DENND4C: variants seen among roughly 807,000 people sequenced by gnomAD.
The protein encoded by DENND4C is DENN domain-containing protein 4C.
A neutral mutation model predicts 203.0 loss-of-function variants in DENND4C; 108 were observed. That is an observed-to-expected ratio of 0.53 (90% CI 0.46 to 0.62). DENND4C has a LOEUF of 0.62. Ranked by LOEUF, DENND4C falls within the 20% of genes least tolerant of loss-of-function variation. The pLI is 0.00. For missense variants in DENND4C, 2,481 were observed against 2,301.2 expected (o/e 1.08, Z -1.60); for synonymous variants, 871 against 792.4 (o/e 1.10, Z -1.67).
chr9:19,331,748 C>T (rs1471242030), intron 16 of DENND4C, among the ~76,000 whole-genome samples: 1 of 152,190 alleles, frequency 6.6e-6, no homozygotes, highest in East Asian at 1.9e-4. Context: ...TTAAGAGACA[C>T]ATGCTTGCTA....
intron 1 of DENND4C, among the ~76,000 whole-genome samples, chr9:19,274,579 G>T (rs1223481437): frequency 1.3e-5 from 2 of 152,226 alleles, no homozygotes; most frequent in Admixed American, 1.3e-4. Context: ...ACAGGCGTGA[G>T]CCACCGTGCC....
chr9:19,271,624 G>A (rs911261080), intron 1 of DENND4C, among the ~76,000 whole-genome samples: 54 of 152,160 alleles, frequency 3.5e-4, no homozygotes, highest in African/African-American at 1.3e-3. Flanking sequence ...CCAGCACTTT[G>A]GGAGGCTGAG....
chr9:19,315,548 C>T (rs922463786), intron 10 of DENND4C, among the ~76,000 whole-genome samples: 3 of 148,532 alleles, frequency 2.0e-5, no homozygotes, highest in Admixed American at 6.7e-5. Context: ...TATATATATA[C>T]GTGTATATAT....
At chr9:19,283,610 CTTTTT>C (rs553611899) in intron 2 of DENND4C, among the ~76,000 whole-genome samples, 1 of 116,614 alleles carries the variant, frequency 8.6e-6, no homozygotes, top group Non-Finnish European at 1.7e-5. Flanking sequence ...TTTTTTCTTT[CTTTTT>C]TTTTTTTTTT....
chr9:19,286,382 T>C (rs1340054742), intron 2 of DENND4C, among the ~76,000 whole-genome samples: 4 of 152,166 alleles, frequency 2.6e-5, no homozygotes, highest in Non-Finnish European at 5.9e-5. Context: ...AATTGACAAA[T>C]TATGAAGCGA....
intron 23 of DENND4C, among the ~76,000 whole-genome samples, chr9:19,349,761 GTA>G (rs1412688765): frequency 2.6e-5 from 4 of 152,072 alleles, no homozygotes; most frequent in African/African-American, 4.8e-5. Context: ...ATACATAATA[GTA>G]TATCAGTAAA....
intron 1 of DENND4C, among the ~76,000 whole-genome samples, chr9:19,267,420 C>G (rs1830723380): frequency 6.6e-6 from 1 of 152,088 alleles, no homozygotes. Context: ...ACAAGTATAC[C>G]TACTCCTGCT....
At chr9:19,321,750 C>T (rs1020348731) in intron 12 of DENND4C, among the ~76,000 whole-genome samples, 6 of 149,136 alleles carry the variant, frequency 4.0e-5, no homozygotes, top group Middle Eastern at 3.4e-3. Context: ...GAGAATCACT[C>T]GAACCTGGGA....
intron 1 of DENND4C, among the ~76,000 whole-genome samples, chr9:19,242,335 C>G (rs1275021847): frequency 6.6e-6 from 1 of 152,134 alleles, no homozygotes; most frequent in African/African-American, 2.4e-5. Flanking sequence ...AAAGGACATC[C>G]TTGGTTCCAG....
intron 29 of DENND4C, among the ~76,000 whole-genome samples, chr9:19,360,943 G>A (rs576470397): frequency 6.4e-4 from 98 of 152,200 alleles, no homozygotes; most frequent in Admixed American, 3.3e-3. Flanking sequence ...GCGTGATCTC[G>A]GCTCATTGCA....
chr9:19,290,746 C>T lies in DENND4C; in HGVS notation c.671C>T (p.Pro224Leu), dbSNP rs1836133229. Residue 224 changes from proline (P) to leucine (L), a missense_variant, in exon 5 of 33, where the codon CCA becomes CTA. Pro to Leu is a moderately conservative substitution (Grantham distance 98). Around this residue, in one of 3 missense-constraint regions of DENND4C, gnomAD observed 2,289 missense variants for 2,113.3 expected, o/e 1.08. Coordinates refer to ENST00000434457, the MANE Select transcript of DENND4C (RefSeq NM_001330640.2). ...RYPEEDYESF[P>L]LSESDVPLFC... ...CCAGAAGAGGACTATGAGTCATTTC[C>T]ACTCTCAGAATCAGATGTACCTCTT... 1 of 1,566,026 alleles carries T rather than the reference C, an allele frequency of 6.4e-7. No individual in the cohort carries two copies. Among genetic ancestry groups the T allele is most frequent in the Non-Finnish European group, 8.7e-7 (1 of 1,153,548 alleles).
At chr9:19,361,183 G>GT (rs1455860514) in intron 29 of DENND4C, among the ~76,000 whole-genome samples, 2 of 152,100 alleles carry the variant, frequency 1.3e-5, no homozygotes, top group Non-Finnish European at 2.9e-5. Context: ...ATTCTTAACT[G>GT]TTCTGTTCCC....
intron 6 of DENND4C, among the ~76,000 whole-genome samples, chr9:19,296,721 A>G (rs1400464916): frequency 6.6e-6 from 1 of 152,188 alleles, no homozygotes; most frequent in Non-Finnish European, 1.5e-5. Flanking sequence ...AGGTTGGCCA[A>G]ATAATAATCC....
intron 8 of DENND4C, 143 bp from the exon 9 acceptor site, chr9:19,300,044 A>G (rs914728893): frequency 1.5e-5 from 12 of 790,956 alleles, no homozygotes; most frequent in Non-Finnish European, 1.8e-5. Flanking sequence ...TATCTTATTA[A>G]ATTTGCTACT....
At chr9:19,263,951 C>T (rs1829965229) in intron 1 of DENND4C, among the ~76,000 whole-genome samples, 1 of 152,046 alleles carries the variant, frequency 6.6e-6, no homozygotes, top group African/African-American at 2.4e-5. Context: ...TGAGCCACTG[C>T]GCCTGGCCAA....
At chr9:19,356,172 C>T (rs1001469358) in intron 26 of DENND4C, among the ~76,000 whole-genome samples, 1 of 152,052 alleles carries the variant, frequency 6.6e-6, no homozygotes, top group African/African-American at 2.4e-5. Context: ...ACCTATCTGT[C>T]TCTCCACCAA....
intron 30 of DENND4C, among the ~76,000 whole-genome samples, chr9:19,368,119 C>G (rs1054561024): frequency 4.5e-4 from 69 of 152,210 alleles, no homozygotes; most frequent in Middle Eastern, 3.4e-3. Flanking sequence ...TGGTTTGAGA[C>G]TTATCTCAAT....
intron 16 of DENND4C, among the ~76,000 whole-genome samples, chr9:19,329,545 T>C (rs1325251459): frequency 6.6e-6 from 1 of 152,232 alleles, no homozygotes; most frequent in Non-Finnish European, 1.5e-5. Context: ...TATGTTTTTA[T>C]TTCTTTGGGG....
chr9:19,357,221 C>T, intron 27 of DENND4C, 67 bp downstream of exon 27: 1 of 1,522,330 alleles, frequency 6.6e-7, no homozygotes, highest in South Asian at 1.2e-5. Flanking sequence ...AATTCTGTCT[C>T]TAAAGACAAC....
Sources: allele counts gnomAD v4.1 joint callset (sites outside exome capture counted in the v4.1 genomes callset), GRCh38; gene constraint gnomAD v4.1.1; regional missense constraint gnomAD v4.1.1; transcripts MANE v1.5; gene names NCBI Gene and HGNC (gene_info 2026-07-23, HGNC 2026-07-21).